The following RABGAP1L variants were observed in gnomAD, a reference collection of about 807,000 sequenced individuals.
The protein encoded by RABGAP1L is RAB GTPase activating protein 1 like, also known as rab GTPase-activating protein 1-like.
Under a neutral mutation model 137.7 loss-of-function variants are expected in RABGAP1L, and 63 were observed. That is an observed-to-expected ratio of 0.46 (90% CI 0.37 to 0.56). The LOEUF (loss-of-function observed/expected upper bound fraction) is 0.56. Ranked by LOEUF, RABGAP1L falls within the 20% of genes least tolerant of loss-of-function variation. The pLI, the probability that RABGAP1L is intolerant of heterozygous loss-of-function variation, is 0.00. For missense variants in RABGAP1L, 1,095 were observed against 1,244.0 expected, an observed-to-expected ratio of 0.88 and a Z score of 1.80; for synonymous variants, 431 against 433.7, an observed-to-expected ratio of 0.99 and a Z score of 0.08.
chr1:174,197,704 G>T (rs965776869), intron 1 of RABGAP1L, among the ~76,000 whole-genome samples: 1 of 152,032 alleles, frequency 6.6e-6, no homozygotes, highest in African/African-American at 2.4e-5. Context: ...GGTGGCTGAG[G>T]CAGGAGAATC....
At chr1:174,805,471 TA>T (rs370155876) in intron 18 of RABGAP1L, among the ~76,000 whole-genome samples, 150 of 152,314 alleles carry the variant, frequency 9.8e-4, no homozygotes, top group African/African-American at 3.3e-3. Flanking sequence ...GTAGAGCCAC[TA>T]ATTTCAAAAA....
At chr1:174,699,745 T>G in intron 16 of RABGAP1L, 95 bp downstream of exon 16, 1 of 1,203,890 alleles carries the variant, frequency 8.3e-7, no homozygotes, top group African/African-American at 1.5e-5. Context: ...TTATAGAAGT[T>G]TAATGGAATA....
intron 14 of RABGAP1L, among the ~76,000 whole-genome samples, chr1:174,652,211 A>T (rs533915593): frequency 6.6e-6 from 1 of 152,108 alleles, no homozygotes; most frequent in South Asian, 2.1e-4. Flanking sequence ...ATCCACTGTT[A>T]GTCTGTTGGG....
chr1:174,348,612 G>A (rs1232563481), intron 11 of RABGAP1L, among the ~76,000 whole-genome samples: 23 of 145,652 alleles, frequency 1.6e-4, no homozygotes, highest in Admixed American at 1.2e-3. Context: ...GCGGCCTTCC[G>A]CAGTGTTTGT....
chr1:174,253,385 C>A (rs1248971896), intron 7 of RABGAP1L, among the ~76,000 whole-genome samples: 1 of 152,074 alleles, frequency 6.6e-6, no homozygotes, highest in East Asian at 1.9e-4. Flanking sequence ...TTTTTGAAAA[C>A]CAATTAGGCA....
At chr1:174,951,499 T>C (rs1667703362) in intron 19 of RABGAP1L, among the ~76,000 whole-genome samples, 1 of 152,248 alleles carries the variant, frequency 6.6e-6, no homozygotes, top group Non-Finnish European at 1.5e-5. Flanking sequence ...CAATTACTGC[T>C]AACCAATAAC....
At chr1:174,330,445 C>T (rs1680936555) in intron 11 of RABGAP1L, among the ~76,000 whole-genome samples, 1 of 151,994 alleles carries the variant, frequency 6.6e-6, no homozygotes, top group Admixed American at 6.6e-5. Context: ...ATTAATAGGG[C>T]ACAGTGGCAC....
chr1:174,622,965 T>C (rs1244895647), intron 13 of RABGAP1L, among the ~76,000 whole-genome samples: 1 of 152,212 alleles, frequency 6.6e-6, no homozygotes, highest in African/African-American at 2.4e-5. Flanking sequence ...TGGTACTTTA[T>C]GAAAAGGAAT....
At chr1:174,419,511 A>G (rs1012740303) in intron 13 of RABGAP1L, among the ~76,000 whole-genome samples, 3 of 152,242 alleles carry the variant, frequency 2.0e-5, no homozygotes. Flanking sequence ...ATATCTTACT[A>G]TTTTCTTTAA....
chr1:174,439,746 C>A (rs1001198451), intron 13 of RABGAP1L, among the ~76,000 whole-genome samples: 3 of 152,104 alleles, frequency 2.0e-5, no homozygotes, highest in Admixed American at 6.5e-5. Context: ...CTTTGATAGA[C>A]TCTTTTAGCT....
At chr1:174,605,398 A>G (rs898368059) in intron 13 of RABGAP1L, among the ~76,000 whole-genome samples, 2 of 152,182 alleles carry the variant, frequency 1.3e-5, no homozygotes, top group African/African-American at 2.4e-5. Context: ...ACCTGTTGCC[A>G]TGATCTTTGC....
intron 18 of RABGAP1L, among the ~76,000 whole-genome samples, chr1:174,793,795 A>G (rs1361281923): frequency 6.6e-6 from 1 of 151,930 alleles, no homozygotes; most frequent in Non-Finnish European, 1.5e-5. Flanking sequence ...TCCCAGGTTC[A>G]AGTGATTCTC....
At chr1:174,489,406 C>T (rs1275296478) in intron 13 of RABGAP1L, among the ~76,000 whole-genome samples, 1 of 152,122 alleles carries the variant, frequency 6.6e-6, no homozygotes, top group African/African-American at 2.4e-5. Flanking sequence ...GACATTTATG[C>T]AGCCAACAGA....
intron 17 of RABGAP1L, chr1:174,705,296 T>G (rs1336792708): frequency 6.6e-6 from 1 of 152,024 alleles, no homozygotes; most frequent in African/African-American, 2.4e-5. Flanking sequence ...TGTCCATGGG[T>G]TTTCTGGAAC....
At chr1:174,294,509 C>A (rs1390711760) in intron 10 of RABGAP1L, among the ~76,000 whole-genome samples, 1 of 152,124 alleles carries the variant, frequency 6.6e-6, no homozygotes, top group African/African-American at 2.4e-5. Context: ...TAGGTCATTA[C>A]CATGTCAGGA....
chr1:174,272,568 A>T, intron 8 of RABGAP1L, 88 bp downstream of exon 8: 1 of 1,387,996 alleles, frequency 7.2e-7, no homozygotes, highest in Non-Finnish European at 9.4e-7. Context: ...ATTTTGTCAT[A>T]TTGTCAAAAT....
At chr1:174,231,970 A>C (rs575349528) in intron 4 of RABGAP1L, among the ~76,000 whole-genome samples, 5 of 152,300 alleles carry the variant, frequency 3.3e-5, no homozygotes, top group Non-Finnish European at 7.3e-5. Flanking sequence ...CCATATCAAC[A>C]ATTACGCTTA....
intron 19 of RABGAP1L, among the ~76,000 whole-genome samples, chr1:174,830,995 G>A (rs112076065): frequency 0.016 from 2,333 of 147,824 alleles, 243 homozygotes; most frequent in South Asian, 0.03. Flanking sequence ...AGGAGGCTCA[G>A]AATTGTTTCA....
intron 13 of RABGAP1L, among the ~76,000 whole-genome samples, chr1:174,417,022 A>G (rs987791053): frequency 2.0e-5 from 3 of 152,106 alleles, no homozygotes; most frequent in African/African-American, 7.2e-5. Flanking sequence ...TCACAAGTTT[A>G]TTAGTTTCTA....
Sources: allele counts gnomAD v4.1 joint callset (sites outside exome capture counted in the v4.1 genomes callset), GRCh38; gene constraint gnomAD v4.1.1; transcripts MANE v1.5; gene names NCBI Gene and HGNC (gene_info 2026-07-23, HGNC 2026-07-21).